Variants in APCDD1L observed in about 807,000 individuals in gnomAD.
The protein encoded by APCDD1L is protein APCDD1-like.
In APCDD1L, 21 loss-of-function variants were observed where a neutral mutation model predicts 24.2. The ratio of observed to expected loss-of-function variants is 0.87; its 90% CI spans 0.61 to 1.25. The LOEUF (loss-of-function observed/expected upper bound fraction) is 1.25. Among genes scored for constraint, APCDD1L ranks in the 50% most tolerant of loss-of-function variants. The pLI is 0.00. For synonymous variants in APCDD1L, 321 were observed against 323.6 expected, an observed-to-expected ratio of 0.99 and a Z score of 0.09; for missense variants, 704 against 711.7, an observed-to-expected ratio of 0.99 and a Z score of 0.12.
intron 1 of APCDD1L, among the ~76,000 whole-genome samples, chr20:58,481,406 G>A (rs1990022233): frequency 6.6e-6 from 1 of 152,228 alleles, no homozygotes; most frequent in South Asian, 2.1e-4. Flanking sequence ...GTGCCTGAGA[G>A]GGACTCCTGG....
intron 1 of APCDD1L, among the ~76,000 whole-genome samples, chr20:58,487,699 A>G (rs1304751905): frequency 6.6e-6 from 1 of 152,234 alleles, no homozygotes; most frequent in Non-Finnish European, 1.5e-5. Context: ...AGGATACCCA[A>G]TAAAAAGCAC....
At chr20:58,487,768 A>G (rs1281722018) in intron 1 of APCDD1L, among the ~76,000 whole-genome samples, 2 of 152,370 alleles carry the variant, frequency 1.3e-5, no homozygotes, top group East Asian at 1.9e-4. Context: ...AAAGATGGCC[A>G]TATCAGAACA....
chr20:58,493,381 C>T (rs1013700795), intron 1 of APCDD1L, among the ~76,000 whole-genome samples: 12 of 152,198 alleles, frequency 7.9e-5, no homozygotes, highest in Non-Finnish European at 1.0e-4. Context: ...AGCACATTTA[C>T]ACCCAGCAAC....
intron 1 of APCDD1L, among the ~76,000 whole-genome samples, chr20:58,471,349 G>A (rs1189007726): frequency 2.0e-5 from 3 of 152,234 alleles, no homozygotes; most frequent in East Asian, 1.9e-4. Context: ...CTCAGCGAGC[G>A]TGTGGCAAGG....
At chr20:58,505,491 G>C (rs2123191043) in intron 1 of APCDD1L, among the ~76,000 whole-genome samples, 1 of 152,096 alleles carries the variant, frequency 6.6e-6, no homozygotes, top group East Asian at 1.9e-4. Flanking sequence ...GCCTGTTGTT[G>C]GGTATTTAAA....
At chr20:58,466,016 A>G (rs75900506) in intron 3 of APCDD1L, among the ~76,000 whole-genome samples, 43 of 151,642 alleles carry the variant, frequency 2.8e-4, no homozygotes, top group East Asian at 2.3e-3. Flanking sequence ...GGTCTCTGAC[A>G]CTGGGAAGGT....
intron 1 of APCDD1L, among the ~76,000 whole-genome samples, chr20:58,504,619 C>T (rs187923889): frequency 2.3e-4 from 35 of 152,336 alleles, no homozygotes; most frequent in Admixed American, 9.8e-4. Flanking sequence ...TTGATCCACC[C>T]ACAGCTACAG....
chr20:58,487,061 CA>C (rs1296716414), intron 1 of APCDD1L, among the ~76,000 whole-genome samples: 2 of 151,750 alleles, frequency 1.3e-5, no homozygotes, highest in Non-Finnish European at 2.9e-5. Context: ...GAGGTTTCAC[CA>C]TGTTGGCCAG....
At chr20:58,489,040 A>C (rs1432276593) in intron 1 of APCDD1L, among the ~76,000 whole-genome samples, 1 of 152,204 alleles carries the variant, frequency 6.6e-6, no homozygotes, top group Non-Finnish European at 1.5e-5. Flanking sequence ...GATTAATACT[A>C]TTGAGAATGA....
intron 1 of APCDD1L, among the ~76,000 whole-genome samples, chr20:58,507,072 A>G (rs187593893): frequency 5.9e-5 from 9 of 152,312 alleles, no homozygotes; most frequent in African/African-American, 2.2e-4. Context: ...TGTCATGGGA[A>G]GAGCCTGGTG....
chr20:58,503,022 G>A (rs13041976), intron 1 of APCDD1L, among the ~76,000 whole-genome samples: 19,768 of 152,130 alleles, frequency 0.13, 1,664 homozygotes, highest in Non-Finnish European at 0.19. Context: ...GACTTTTCCG[G>A]AAGTCAGGCT....
intron 1 of APCDD1L, among the ~76,000 whole-genome samples, chr20:58,479,123 G>A (rs924600007): frequency 1.3e-5 from 2 of 152,148 alleles, no homozygotes; most frequent in African/African-American, 4.8e-5. Flanking sequence ...CCCTGCATGT[G>A]ATTTTACTGG....
chr20:58,470,805 T>G, intron 1 of APCDD1L, 58 bp from the exon 2 acceptor site: 1 of 1,484,686 alleles, frequency 6.7e-7, no homozygotes, highest in South Asian at 1.3e-5. Flanking sequence ...ACCCACCCCA[T>G]CTGCCCTCCC....
At chr20:58,477,571 A>G (rs1362827623) in intron 1 of APCDD1L, among the ~76,000 whole-genome samples, 1 of 152,208 alleles carries the variant, frequency 6.6e-6, no homozygotes, top group Non-Finnish European at 1.5e-5. Context: ...GGAGGCATCT[A>G]CCATGTTTCT....
chr20:58,461,112 G>A lies in APCDD1L; in HGVS notation c.1184C>T (p.Ala395Val). The A allele has an allele frequency of 6.2e-7, 1 of 1,613,914 alleles. No individual in the cohort carries two copies. Residue 395 changes from alanine to valine, a missense_variant, in exon 4 of 4, where the codon GCC becomes GTC. Transcript: ENST00000371149. This position sits in a 1 kb window ranked among gnomAD's most constrained non-coding sequence, Gnocchi z 6.0. ...GCCCAGCGGTAGGCAGCCGTTGGTG[G>A]CTGTGACATCCCGCTCAGTGCCCAT... ...WSMGTERDVTATNGCLPLGIR... is the reference protein window; with the variant it reads ...WSMGTERDVTVTNGCLPLGIR...
At chr20:58,480,362 G>C (rs1052557262) in intron 1 of APCDD1L, among the ~76,000 whole-genome samples, 11 of 152,212 alleles carry the variant, frequency 7.2e-5, no homozygotes, top group African/African-American at 2.7e-4. Flanking sequence ...GTGAGAAGCA[G>C]AAGGGCCTTT....
In APCDD1L at chr20:58,508,642, G is replaced by A. The variant is rs1223373880; in HGVS notation, c.49+6017C>T. Among the ~76,000 whole-genome samples the A allele has an allele frequency of 1.3e-5, 2 of 152,176 alleles. No individual in the cohort carries two copies. Among genetic ancestry groups the A allele is most frequent in the African/African-American group, 4.8e-5 (2 of 41,432 alleles). On this transcript the variant is annotated intron_variant, in intron 1 of 3. Transcript: ENST00000371149. The surrounding 1 kb of genome is among the most constrained non-coding windows in gnomAD (Gnocchi z 4.0). ...CTCTGCGGCAGGGCCCTTCAGTGCA[G>A]CTGTGACTGGGGTTCCCGTCTGCCA...
intron 1 of APCDD1L, among the ~76,000 whole-genome samples, chr20:58,485,227 T>C (rs1219953656): frequency 6.6e-6 from 1 of 152,124 alleles, no homozygotes; most frequent in African/African-American, 2.4e-5. Flanking sequence ...ATAAATATTG[T>C]GGGTCTCCAC....
chr20:58,470,464 G>A (rs1423790166), intron 2 of APCDD1L, 145 bp downstream of exon 2: 7 of 1,186,962 alleles, frequency 5.9e-6, no homozygotes, highest in East Asian at 2.6e-5. Flanking sequence ...TGGGAGGGGA[G>A]GCAAGCATCT....
Sources: allele counts gnomAD v4.1 joint callset (sites outside exome capture counted in the v4.1 genomes callset), GRCh38; gene constraint gnomAD v4.1.1; non-coding constraint Gnocchi (gnomAD v3.1); transcripts MANE v1.5; gene names NCBI Gene and HGNC (gene_info 2026-07-23, HGNC 2026-07-21).